The following LRIF1 variants were observed in gnomAD, a reference collection of about 807,000 sequenced individuals.
The protein encoded by LRIF1 is ligand dependent nuclear receptor interacting factor 1.
LRIF1 carries 32 observed loss-of-function variants against 52.7 expected under a neutral mutation model. That is an observed-to-expected ratio of 0.61 (90% confidence interval 0.46 to 0.82). The LOEUF is 0.82. LRIF1 is among the 40% of genes least tolerant of loss of function. The probability of loss-of-function intolerance (pLI) is 0.00; values close to 1 mark genes in which losing one functional copy is unlikely to be tolerated. For missense variants in LRIF1, 887 were observed against 892.0 expected (o/e 0.99, Z 0.07); for synonymous variants, 323 against 317.4 (o/e 1.02, Z -0.19).
At position 110,952,519 on chromosome 1, in the gene LRIF1, G is replaced by A; in HGVS notation, c.365C>T (p.Ser122Phe). The A allele has an allele frequency of 1.2e-6, 2 of 1,613,882 alleles. No individual in the cohort carries two copies. The highest frequency in any genetic ancestry group is 1.7e-6 in the Non-Finnish European group (2 of 1,179,772). The change falls in exon 2 of 4, where the codon TCT (serine) becomes TTT (phenylalanine). Residue 122 changes from serine to phenylalanine, a missense_variant. Coordinates refer to ENST00000369763, the MANE Select transcript of LRIF1 (RefSeq NM_018372.4). ...TGAAGAAAAATTTCCAGTTCCCACA[G>A]AAGTAACTCTACCTTTTTCTGATGT... ...VDTSEKGRVT[S>F]VGTGNFSSSV...
Position 110,963,898 on chromosome 1 carries a change from C to G in LRIF1, c.-210G>C, listed in dbSNP as rs1659075344. 2.3e-6 allele frequency: 1 copy of G among 435,058 alleles called. No individual in the cohort carries two copies. The highest frequency in any genetic ancestry group is 3.0e-5 in the South Asian group (1 of 33,110). 26.9% of individuals were successfully genotyped at this position (435,058 alleles called of 1,614,324 possible). A position where few individuals can be genotyped will look rare whatever the true frequency, so the allele number is the denominator to read the frequency against. ...ACGAGGTCGCGCACCGCGCAGAAACCGGAAGGCTCCTGGCGGTGGACTGCG... is the reference window on the plus strand; with the variant it reads ...ACGAGGTCGCGCACCGCGCAGAAACGGGAAGGCTCCTGGCGGTGGACTGCG... On this transcript the variant is annotated 5_prime_UTR_variant, in exon 1 of 4. Transcript: ENST00000369763.
intron 1 of LRIF1, 134 bp downstream of exon 1, chr1:110,963,487 C>T: frequency 1.5e-6 from 1 of 653,202 alleles, no homozygotes; most frequent in Non-Finnish European, 2.5e-6. Flanking sequence ...GAGACAAGCG[C>T]TTCCCGCCTG....
the LRIF1 span, among the ~76,000 whole-genome samples, chr1:110,885,203 T>C: frequency 6.6e-6 from 1 of 152,230 alleles, no homozygotes; most frequent in Non-Finnish European, 1.5e-5. Context: ...TTTACATTTA[T>C]TATTAATGCA....
downstream of LRIF1, chr1:110,944,285 T>C (rs1468897094): frequency 6.6e-6 from 1 of 152,230 alleles, no homozygotes; most frequent in Non-Finnish European, 1.5e-5. Flanking sequence ...GATGCGGTTG[T>C]CATCAGCTGA....
At chr1:110,925,482 G>A in the LRIF1 span, among the ~76,000 whole-genome samples, 1 of 151,908 alleles carries the variant, frequency 6.6e-6, no homozygotes, top group Non-Finnish European at 1.5e-5. Context: ...TTTTTCTGTA[G>A]AACCCGGACC....
chr1:110,928,599 C>T, the LRIF1 span, among the ~76,000 whole-genome samples: 1 of 151,820 alleles, frequency 6.6e-6, no homozygotes, highest in African/African-American at 2.4e-5. Flanking sequence ...CAATGATAAG[C>T]GCTGTAGGAA....
the LRIF1 span, among the ~76,000 whole-genome samples, chr1:110,924,959 AG>A: frequency 6.6e-6 from 1 of 152,226 alleles, no homozygotes; most frequent in Non-Finnish European, 1.5e-5. Flanking sequence ...ACAGATGTCC[AG>A]AAAGTATTTC....
chr1:110,906,334 C>A, the LRIF1 span, among the ~76,000 whole-genome samples: 1 of 152,058 alleles, frequency 6.6e-6, no homozygotes, highest in Non-Finnish European at 1.5e-5. Flanking sequence ...TGCTTGAGGC[C>A]AGGCATTTGA....
intron 1 of LRIF1, among the ~76,000 whole-genome samples, chr1:110,953,826 G>C (rs79844254): frequency 6.6e-6 from 1 of 152,140 alleles, no homozygotes; most frequent in African/African-American, 2.4e-5. Context: ...TGGCATAAAT[G>C]ATATTTCTCA....
chr1:110,902,517 A>AAAAACAAAAAAAAAAAAAAAAAAAAAAAG, the LRIF1 span, among the ~76,000 whole-genome samples: 1 of 104,698 alleles, frequency 9.6e-6, no homozygotes, highest in Non-Finnish European at 2.1e-5. Flanking sequence ...AAAAAAAAAA[A>AAAAACAAAAAAAAAAAAAAAAAAAAAAAG]AAAGAAATAC....
At chr1:110,960,893 G>A (rs1025768121) in intron 1 of LRIF1, among the ~76,000 whole-genome samples, 1 of 152,130 alleles carries the variant, frequency 6.6e-6, no homozygotes, top group Non-Finnish European at 1.5e-5. Flanking sequence ...GACTGCCAAC[G>A]TTATCTAAAA....
chr1:110,908,698 AT>A, the LRIF1 span, among the ~76,000 whole-genome samples: 14 of 152,314 alleles, frequency 9.2e-5, no homozygotes, highest in African/African-American at 2.6e-4. Context: ...ATAAAAAAAA[AT>A]AATTTTAAGA....
chr1:110,882,887 A>AT, the LRIF1 span, among the ~76,000 whole-genome samples: 2 of 151,982 alleles, frequency 1.3e-5, no homozygotes, highest in African/African-American at 2.4e-5. Flanking sequence ...GAATGCTATT[A>AT]TTTTTTGTGG....
At chr1:110,878,395 C>A in the LRIF1 span, among the ~76,000 whole-genome samples, 1 of 151,744 alleles carries the variant, frequency 6.6e-6, no homozygotes, top group Non-Finnish European at 1.5e-5. Context: ...AATTACCTTG[C>A]GAATGCTCTT....
chr1:110,917,693 T>C, the LRIF1 span, among the ~76,000 whole-genome samples: 1 of 150,002 alleles, frequency 6.7e-6, no homozygotes, highest in African/African-American at 2.4e-5. Flanking sequence ...ATAGCTGTAG[T>C]AAACAGTTAA....
the LRIF1 span, among the ~76,000 whole-genome samples, chr1:110,913,489 T>C: frequency 2.5e-4 from 38 of 152,120 alleles, no homozygotes; most frequent in Non-Finnish European, 8.8e-5. Context: ...ATGGACAAAG[T>C]ATATGGTCAG....
At chr1:110,944,897 T>C (rs1044750509), downstream of LRIF1, 2 of 75,304 alleles carry the variant, frequency 2.7e-5, no homozygotes, top group African/African-American at 1.6e-4. Context: ...AAGGTTGCTG[T>C]TTTTTTTTTT....
chr1:110,934,896 C>T, the LRIF1 span, among the ~76,000 whole-genome samples: 1 of 152,286 alleles, frequency 6.6e-6, no homozygotes. Context: ...CAGTGCTATG[C>T]TAGCTTCAGG....
chr1:110,898,725 A>T, the LRIF1 span, among the ~76,000 whole-genome samples: 1 of 151,998 alleles, frequency 6.6e-6, no homozygotes, highest in Admixed American at 6.6e-5. Context: ...TGGGTATATC[A>T]TAGATTAGTT....
Sources: allele counts gnomAD v4.1 joint callset (sites outside exome capture counted in the v4.1 genomes callset), GRCh38; gene constraint gnomAD v4.1.1; transcripts MANE v1.5; gene names NCBI Gene and HGNC (gene_info 2026-07-23, HGNC 2026-07-21).